Variants in GPR158 observed in about 807,000 individuals in gnomAD.
The protein encoded by GPR158 is G protein-coupled receptor 158.
Under a neutral mutation model 78.2 loss-of-function variants are expected in GPR158, and 30 were observed. The observed-to-expected ratio is 0.38, with a 90% CI of 0.29 to 0.52. GPR158 has a LOEUF of 0.52. GPR158 is among the 20% of genes least tolerant of loss of function. The pLI, the probability that GPR158 is intolerant of heterozygous loss-of-function variation, is 0.83. For synonymous variants in GPR158, 581 were observed against 591.1 expected (o/e 0.98, Z 0.25); for missense variants, 1,463 against 1,523.5 (o/e 0.96, Z 0.66).
intron 2 of GPR158, among the ~76,000 whole-genome samples, chr10:25,373,182 A>G (rs937520458): frequency 6.6e-6 from 1 of 151,890 alleles, no homozygotes; most frequent in Non-Finnish European, 1.5e-5. Context: ...TATCCCTAGC[A>G]AAATAACACA....
intron 5 of GPR158, among the ~76,000 whole-genome samples, chr10:25,506,343 A>G (rs547569014): frequency 1.3e-5 from 2 of 152,344 alleles, no homozygotes; most frequent in South Asian, 4.1e-4. Flanking sequence ...TTGAAAAACT[A>G]TCCTCCAGAA....
At chr10:25,188,524 A>C (rs936152624) in intron 1 of GPR158, among the ~76,000 whole-genome samples, 1 of 152,164 alleles carries the variant, frequency 6.6e-6, no homozygotes, top group African/African-American at 2.4e-5. Flanking sequence ...CAAAAACAAC[A>C]AATGGGTAAA....
At chr10:25,300,766 T>C (rs1298532964) in intron 2 of GPR158, among the ~76,000 whole-genome samples, 1 of 152,098 alleles carries the variant, frequency 6.6e-6, no homozygotes, top group African/African-American at 2.4e-5. Context: ...TCCTCAATTG[T>C]TTAAATCACC....
At chr10:25,255,557 C>T (rs969457482) in intron 2 of GPR158, among the ~76,000 whole-genome samples, 1 of 152,180 alleles carries the variant, frequency 6.6e-6, no homozygotes, top group Admixed American at 6.5e-5. Context: ...GCAGAATTAA[C>T]TCCCTTGTGG....
intron 2 of GPR158, among the ~76,000 whole-genome samples, chr10:25,296,182 G>A (rs2130769779): frequency 6.6e-6 from 1 of 152,198 alleles, no homozygotes; most frequent in South Asian, 2.1e-4. Context: ...AAGGAAACTG[G>A]CTATTTGTAC....
At chr10:25,210,316 C>T (rs925477392) in intron 1 of GPR158, among the ~76,000 whole-genome samples, 2 of 152,178 alleles carry the variant, frequency 1.3e-5, no homozygotes, top group African/African-American at 2.4e-5. Context: ...ATCCGTTTCT[C>T]TACTGCTGAA....
At chr10:25,597,744 T>A in intron 10 of GPR158, 28 bp from the exon 11 acceptor site, 1 of 1,481,234 alleles carries the variant, frequency 6.8e-7, no homozygotes, top group South Asian at 1.5e-5. Context: ...AATTCTACAC[T>A]TCTTTGAATT....
At chr10:25,374,259 TATA>T (rs1258315307) in intron 2 of GPR158, among the ~76,000 whole-genome samples, 17 of 151,442 alleles carry the variant, frequency 1.1e-4, no homozygotes, top group Admixed American at 1.1e-3. Context: ...TAGTTTTTTT[TATA>T]ATAATTATCA....
At chr10:25,457,948 A>G (rs1210614860) in intron 4 of GPR158, among the ~76,000 whole-genome samples, 1 of 152,240 alleles carries the variant, frequency 6.6e-6, no homozygotes, top group East Asian at 1.9e-4. Context: ...ACAAAAAATC[A>G]CCATAGCCAT....
chr10:25,186,271 G>A (rs1297926291), intron 1 of GPR158, among the ~76,000 whole-genome samples: 2 of 152,126 alleles, frequency 1.3e-5, no homozygotes, highest in Non-Finnish European at 2.9e-5. Context: ...GAGAAAGCAG[G>A]AAAGATCTAA....
At chr10:25,179,181 C>G (rs909666847) in intron 1 of GPR158, among the ~76,000 whole-genome samples, 1 of 152,148 alleles carries the variant, frequency 6.6e-6, no homozygotes, top group Non-Finnish European at 1.5e-5. Flanking sequence ...CTAAGATATG[C>G]ATTCTAAAAT....
At chr10:25,420,660 C>A (rs1260415702) in intron 4 of GPR158, among the ~76,000 whole-genome samples, 2 of 152,064 alleles carry the variant, frequency 1.3e-5, no homozygotes, top group South Asian at 2.1e-4. Flanking sequence ...GATCAGAATC[C>A]AACTTCATTC....
intron 4 of GPR158, among the ~76,000 whole-genome samples, chr10:25,422,111 G>A (rs1263262213): frequency 1.3e-4 from 20 of 151,992 alleles, no homozygotes; most frequent in Admixed American, 1.3e-3. Flanking sequence ...ACCCACCACC[G>A]ACTGTTGCTT....
intron 1 of GPR158, among the ~76,000 whole-genome samples, chr10:25,201,605 T>G (rs1362829630): frequency 1.3e-5 from 2 of 152,150 alleles, no homozygotes; most frequent in Non-Finnish European, 2.9e-5. Flanking sequence ...TTTTTGCCTA[T>G]TCAGTATGTC....
At chr10:25,405,747 T>A (rs979771762) in intron 3 of GPR158, among the ~76,000 whole-genome samples, 4 of 152,046 alleles carry the variant, frequency 2.6e-5, no homozygotes, top group Non-Finnish European at 5.9e-5. Context: ...CATTCTCTAC[T>A]ATATTTAACA....
At chr10:25,299,035 T>C (rs1167727882) in intron 2 of GPR158, among the ~76,000 whole-genome samples, 2 of 152,200 alleles carry the variant, frequency 1.3e-5, no homozygotes, top group African/African-American at 4.8e-5. Context: ...TTTAGCATAA[T>C]TGAACATTTC....
chr10:25,363,528 G>A (rs1474740522), intron 2 of GPR158, among the ~76,000 whole-genome samples: 2 of 151,818 alleles, frequency 1.3e-5, no homozygotes, highest in Admixed American at 1.3e-4. Context: ...AAGTCATTTG[G>A]CAAGGAGGCA....
chr10:25,323,118 T>G (rs546589252), intron 2 of GPR158, among the ~76,000 whole-genome samples: 3 of 152,264 alleles, frequency 2.0e-5, no homozygotes, highest in South Asian at 2.1e-4. Flanking sequence ...GTGCTGGGAT[T>G]ACAGTTGTGA....
chr10:25,555,315 T>C (rs1008186147), intron 6 of GPR158, among the ~76,000 whole-genome samples: 8 of 151,912 alleles, frequency 5.3e-5, no homozygotes, highest in African/African-American at 1.9e-4. Context: ...AGAGGAAGAA[T>C]GGGAAAGGAA....
Sources: allele counts gnomAD v4.1 joint callset (sites outside exome capture counted in the v4.1 genomes callset), GRCh38; gene constraint gnomAD v4.1.1; transcripts MANE v1.5; gene names NCBI Gene and HGNC (gene_info 2026-07-23, HGNC 2026-07-21).